The following OTULIN variants were observed in gnomAD, a reference collection of about 807,000 sequenced individuals.
OTULIN encodes ubiquitin thioesterase otulin.
OTULIN carries 15 observed loss-of-function variants against 39.6 expected under a neutral mutation model. The observed-to-expected ratio is 0.38, with a 90% CI of 0.25 to 0.58. OTULIN has a LOEUF of 0.58. Among genes scored for constraint, OTULIN ranks in the 20% least tolerant of loss-of-function variants. The pLI is 0.66. For synonymous variants in OTULIN, 156 were observed against 170.3 expected (o/e 0.92, Z 0.65); for missense variants, 319 against 445.9 (o/e 0.72, Z 2.56).
the OTULIN span, among the ~76,000 whole-genome samples, chr5:14,715,323 G>A: frequency 6.6e-6 from 1 of 152,206 alleles, no homozygotes; most frequent in Non-Finnish European, 1.5e-5. Flanking sequence ...TAGAGACGGG[G>A]TTTCACCATG....
chr5:14,712,994 G>A, the OTULIN span: 5 of 1,604,888 alleles, frequency 3.1e-6, no homozygotes, highest in Non-Finnish European at 4.3e-6. Context: ...GAACACAAAG[G>A]CAATTTGTCT....
chr5:14,678,601 GGGT>G lies in OTULIN; in HGVS notation c.230-79_230-77del, dbSNP rs1579966458. On this transcript the variant is annotated intron_variant, in intron 2 of 6. Transcript: ENST00000284274. ...GTGAAGAAAGAAAATGAAGAGTGAA[GGGT>G]AACCCCCAACTGAAGCAGTATTCTG... is the stretch of plus-strand genomic sequence containing the variant. The G allele has an allele frequency of 4.0e-6, 4 of 1,001,370 alleles. No homozygotes were observed. The East Asian group carries it at 1.1e-4, about 28-fold the overall frequency. 62.0% of individuals were successfully genotyped at this position (1,001,370 alleles called of 1,614,324 possible). A position where few individuals can be genotyped will look rare whatever the true frequency, so the allele number is the denominator to read the frequency against.
chr5:14,683,552 G>A (rs1027398147), intron 4 of OTULIN, among the ~76,000 whole-genome samples: 6 of 152,056 alleles, frequency 3.9e-5, no homozygotes, highest in African/African-American at 7.2e-5. Context: ...CTTGACAACT[G>A]TAGATATATA....
Position 14,664,974 on chromosome 5 carries a change from A to C in OTULIN, c.149A>C (p.Glu50Ala), listed in dbSNP as rs983896316. ...QPRPEMQCPA[E>A]HEEDMYRAAD... ...CGGCCCGAGATGCAGTGCCCGGCCG[A>C]GCAGTGAGTCCGCGGGGGCGCGGGG... Residue 50 changes from glutamate to alanine, a missense_variant, in exon 1 of 7, where the codon GAG becomes GCG. Around this residue, in one of 4 missense-constraint regions of OTULIN, gnomAD observed 132 missense variants for 143.7 expected, o/e 0.92. Transcript: ENST00000284274. 36 of 1,080,680 alleles carry C rather than the reference A, an allele frequency of 3.3e-5. No homozygotes were observed. The highest frequency in any genetic ancestry group is 1.0e-4 in the Admixed American group (2 of 19,056). The allele number at this position is 1,080,680 out of a possible 1,614,324, so 66.9% of individuals were successfully genotyped here.
chr5:14,680,498 T>C (rs1024493597), intron 3 of OTULIN, among the ~76,000 whole-genome samples: 1 of 152,072 alleles, frequency 6.6e-6, no homozygotes. Flanking sequence ...CAATGAAAAG[T>C]TGGATGAGTT....
chr5:14,685,958 G>T (rs911917773), intron 4 of OTULIN, among the ~76,000 whole-genome samples: 3 of 152,262 alleles, frequency 2.0e-5, no homozygotes, highest in Non-Finnish European at 4.4e-5. Context: ...ACGCAGGGCA[G>T]TGTGGGCACG....
At chr5:14,713,890 A>G in the OTULIN span, among the ~76,000 whole-genome samples, 2 of 152,160 alleles carry the variant, frequency 1.3e-5, no homozygotes, top group Non-Finnish European at 2.9e-5. This position sits in a 1 kb window ranked among gnomAD's most constrained non-coding sequence, Gnocchi z 4.4. Flanking sequence ...TTGGATCTAA[A>G]TGGCTGGGAC....
the OTULIN span, among the ~76,000 whole-genome samples, chr5:14,715,128 CTTTCTT>C: frequency 6.6e-6 from 1 of 151,764 alleles, no homozygotes; most frequent in African/African-American, 2.4e-5. Flanking sequence ...TCCATGGCTC[CTTTCTT>C]TTTCTTTTTG....
intron 6 of OTULIN, among the ~76,000 whole-genome samples, chr5:14,692,285 A>G (rs957837699): frequency 3.3e-5 from 5 of 152,234 alleles, no homozygotes; most frequent in Admixed American, 1.3e-4. Context: ...TGACCATTTT[A>G]AAGTGTACAT....
chr5:14,687,084 T>C (rs538525542), intron 4 of OTULIN, among the ~76,000 whole-genome samples: 5 of 152,362 alleles, frequency 3.3e-5, no homozygotes, highest in African/African-American at 1.2e-4. Context: ...ATTTTTCTTA[T>C]TGGGAAAGGA....
chr5:14,689,318 T>C (rs1221955808), intron 5 of OTULIN, among the ~76,000 whole-genome samples: 1 of 152,226 alleles, frequency 6.6e-6, no homozygotes, highest in Non-Finnish European at 1.5e-5. Context: ...GTATTTAAAA[T>C]CCATAATGGT....
chr5:14,701,548 T>C (rs889347070), downstream of OTULIN, among the ~76,000 whole-genome samples: 22 of 152,172 alleles, frequency 1.4e-4, no homozygotes, highest in African/African-American at 5.1e-4. Context: ...TACAACCCCC[T>C]GCCCCAGAAG....
At chr5:14,679,891 T>G (rs1736202951) in intron 3 of OTULIN, among the ~76,000 whole-genome samples, 1 of 151,000 alleles carries the variant, frequency 6.6e-6, no homozygotes, top group African/African-American at 2.4e-5. Context: ...TAAGAACATT[T>G]ATATTTTTGC....
chr5:14,710,976 G>GT, the OTULIN span: 1 of 552,486 alleles, frequency 1.8e-6, no homozygotes, highest in Non-Finnish European at 3.3e-6. Flanking sequence ...TGTTTCGTTT[G>GT]TTTTTACATA....
chr5:14,689,452 G>T (rs1237277480), intron 5 of OTULIN, among the ~76,000 whole-genome samples: 2 of 152,186 alleles, frequency 1.3e-5, no homozygotes, highest in Non-Finnish European at 1.5e-5. Context: ...TAAAGAGTTT[G>T]TCTATATTCA....
chr5:14,666,263 T>G (rs1735841848), intron 1 of OTULIN, among the ~76,000 whole-genome samples: 1 of 152,240 alleles, frequency 6.6e-6, no homozygotes, highest in Non-Finnish European at 1.5e-5. Flanking sequence ...TGGCAAGTTT[T>G]CTGGTGGACA....
At position 14,693,716 on chromosome 5, in the gene OTULIN, T is replaced by G. The variant is rs1736593455; in HGVS notation, c.*668T>G. The stretch of plus-strand genomic sequence containing the variant: ...AGATTGTTTTGCAACAGATTAAGAA[T>G]TGGGTCCCAAAGTGGGTTATTTCAA... On this transcript the variant is annotated 3_prime_UTR_variant, in exon 7 of 7. Coordinates refer to ENST00000284274, the MANE Select transcript of OTULIN (RefSeq NM_138348.6). 1 of 152,224 alleles carries G rather than the reference T, an allele frequency of 6.6e-6. No homozygotes were observed. The highest frequency in any genetic ancestry group is 1.5e-5 in the Non-Finnish European group (1 of 68,038). The allele number at this position is 152,224 out of a possible 1,614,324, so 9.4% of individuals were successfully genotyped here.
the OTULIN span, chr5:14,713,583 A>G: frequency 6.2e-7 from 1 of 1,614,200 alleles, no homozygotes; most frequent in Non-Finnish European, 8.5e-7. This position sits in a 1 kb window ranked among gnomAD's most constrained non-coding sequence, Gnocchi z 4.4. Flanking sequence ...GATGAGGACG[A>G]TGATCCGCAG....
At chr5:14,692,422 A>C (rs978847286) in intron 6 of OTULIN, among the ~76,000 whole-genome samples, 4 of 152,172 alleles carry the variant, frequency 2.6e-5, no homozygotes, top group African/African-American at 9.7e-5. Flanking sequence ...GGTTATAGTC[A>C]TTCTAGTGGG....
Sources: allele counts gnomAD v4.1 joint callset (sites outside exome capture counted in the v4.1 genomes callset), GRCh38; gene constraint gnomAD v4.1.1; regional missense constraint gnomAD v4.1.1; non-coding constraint Gnocchi (gnomAD v3.1); transcripts MANE v1.5; gene names NCBI Gene and HGNC (gene_info 2026-07-23, HGNC 2026-07-21).